Variants in NUP205 observed in about 807,000 individuals in gnomAD.
The protein encoded by NUP205 is nuclear pore complex protein Nup205.
Under a neutral mutation model 253.8 loss-of-function variants are expected in NUP205, and 76 were observed. The observed-to-expected ratio is 0.30, with a 90% CI of 0.25 to 0.36. NUP205 has a LOEUF of 0.36. Among genes scored for constraint, NUP205 ranks in the 10% least tolerant of loss-of-function variants. The pLI is 1.00. For synonymous variants in NUP205, 832 were observed against 850.1 expected, an observed-to-expected ratio of 0.98 and a Z score of 0.37; for missense variants, 2,162 against 2,425.5, an observed-to-expected ratio of 0.89 and a Z score of 2.28.
chr7:135,590,101 T>A (rs765466701), intron 10 of NUP205, among the ~76,000 whole-genome samples: 1 of 149,846 alleles, frequency 6.7e-6, no homozygotes, highest in Non-Finnish European at 1.5e-5. Flanking sequence ...TATATTATTA[T>A]TTTATTTATT....
At position 135,627,389 on chromosome 7, in the gene NUP205, ACTTT is replaced by A. The variant is rs773444054; in HGVS notation, c.4794-581_4794-578del. On this transcript the variant is annotated intron_variant, in intron 33 of 42. Transcript: ENST00000285968. ...AATCTGCAGTGCTGCTAAATCTCAA[ACTTT>A]CTGAGTGCCAATATGATGCTCAAAG... 4.5e-3 allele frequency among the ~76,000 whole-genome samples: 690 copies of A among 152,306 alleles called. 7 individuals carry two copies. Among genetic ancestry groups the A allele is most frequent in the Non-Finnish European group, 2.8e-3 (191 of 68,018 alleles).
chr7:135,633,462 GCTT>G (rs982340412), intron 35 of NUP205, among the ~76,000 whole-genome samples: 7 of 152,094 alleles, frequency 4.6e-5, no homozygotes, highest in African/African-American at 9.7e-5. Context: ...CTGTTTCCAA[GCTT>G]CTTAAAATTT....
chr7:135,588,450 C>T (rs1487775390), intron 10 of NUP205, among the ~76,000 whole-genome samples: 1 of 150,924 alleles, frequency 6.6e-6, no homozygotes, highest in Admixed American at 6.6e-5. Flanking sequence ...CTACTTTTCT[C>T]TTTTATAAAA....
At chr7:135,614,903 T>A (rs898564680) in intron 23 of NUP205, among the ~76,000 whole-genome samples, 1 of 152,234 alleles carries the variant, frequency 6.6e-6, no homozygotes, top group Admixed American at 6.5e-5. Context: ...TTTAGGAAGT[T>A]GAGGCTCACA....
chr7:135,580,034 A>G (rs1806262324), intron 7 of NUP205, among the ~76,000 whole-genome samples: 1 of 152,228 alleles, frequency 6.6e-6, no homozygotes, highest in Non-Finnish European at 1.5e-5. Flanking sequence ...TCATATTAGT[A>G]GGGGTTTATT....
intron 17 of NUP205, 68 bp downstream of exon 17, chr7:135,601,575 T>C (rs756376569): frequency 1.0e-4 from 153 of 1,509,116 alleles, no homozygotes; most frequent in Non-Finnish European, 1.2e-4. Flanking sequence ...AAACTGAGAA[T>C]TTGAAATAGA....
intron 33 of NUP205, 92 bp downstream of exon 33, chr7:135,626,453 A>G (rs1014409259): frequency 9.5e-6 from 13 of 1,371,314 alleles, no homozygotes; most frequent in Non-Finnish European, 1.1e-5. Flanking sequence ...CCGCTTAGCA[A>G]TTCTCTTTCA....
intron 1 of NUP205, among the ~76,000 whole-genome samples, chr7:135,563,167 T>C (rs115778458): frequency 0.011 from 1,660 of 152,074 alleles, 40 homozygotes; most frequent in African/African-American, 0.038. Flanking sequence ...CTGACCACAG[T>C]TGGATTTTAT....
intron 3 of NUP205, 82 bp from the exon 4 acceptor site, chr7:135,576,188 G>A: frequency 8.1e-7 from 1 of 1,239,776 alleles, no homozygotes; most frequent in Admixed American, 1.8e-5. Context: ...TCTTTGAACT[G>A]AACATTGTTA....
chr7:135,572,221 T>G (rs1464197238), intron 2 of NUP205, among the ~76,000 whole-genome samples: 1 of 152,202 alleles, frequency 6.6e-6, no homozygotes, highest in Non-Finnish European at 1.5e-5. Flanking sequence ...ATATTATGTT[T>G]ATTTCTAGCT....
chr7:135,557,929 T>C lies in NUP205; in HGVS notation c.-16T>C, dbSNP rs1405093594. 6.8e-6 allele frequency: 11 copies of C among 1,613,028 alleles called. No homozygotes were observed. The highest frequency in any genetic ancestry group is 8.5e-6 in the Non-Finnish European group (10 of 1,179,108). ...GCCTCCATGCGGCAGAAGGGCTCTG[T>C]TAGTGCGCCTCTAAGATGGCGACGC... is the stretch of plus-strand genomic sequence containing the variant. On this transcript the variant is annotated 5_prime_UTR_variant, in exon 1 of 43. Coordinates refer to ENST00000285968, the MANE Select transcript of NUP205 (RefSeq NM_015135.3).
chr7:135,597,900 G>T lies in NUP205; in HGVS notation c.2065-98G>T, dbSNP rs1049024355. The T allele has an allele frequency of 1.2e-5, 11 of 883,604 alleles. No homozygotes were observed. In the African/African-American group the frequency reaches 1.7e-4, roughly 14 times the overall value. 54.7% of individuals were successfully genotyped at this position (883,604 alleles called of 1,614,324 possible). On this transcript the variant is annotated intron_variant, in intron 14 of 42. Transcript: ENST00000285968. ...AGAAATATCTGTTATATCTTTTGGTGTGAGTTAGCACTATTAATATGTTAA... is the reference window on the plus strand; with the variant it reads ...AGAAATATCTGTTATATCTTTTGGTTTGAGTTAGCACTATTAATATGTTAA...
chr7:135,558,125 A>G, intron 1 of NUP205, 153 bp downstream of exon 1: 1 of 695,196 alleles, frequency 1.4e-6, no homozygotes, highest in South Asian at 1.5e-5. Context: ...ACCCCTCCCC[A>G]GTTTGAATGG....
intron 33 of NUP205, 133 bp downstream of exon 33, chr7:135,626,494 G>A: frequency 4.4e-6 from 4 of 902,864 alleles, no homozygotes; most frequent in African/African-American, 3.4e-5. Flanking sequence ...GTCATACTGT[G>A]CCCCTGTCAT....
chr7:135,617,747 T>A, intron 27 of NUP205, 65 bp downstream of exon 27: 2 of 960,530 alleles, frequency 2.1e-6, no homozygotes, highest in Non-Finnish European at 3.3e-6. Flanking sequence ...GTGAAAAGAC[T>A]AAAATAGTAT....
chr7:135,619,400 C>G (rs372756122), intron 28 of NUP205, 23 bp from the exon 29 acceptor site: 2 of 1,595,478 alleles, frequency 1.3e-6, no homozygotes, highest in African/African-American at 1.3e-5. Context: ...GATTCTCACT[C>G]TAATTTGCCC....
chr7:135,631,011 C>T (rs1354137988), intron 35 of NUP205, among the ~76,000 whole-genome samples: 1 of 151,300 alleles, frequency 6.6e-6, no homozygotes, highest in East Asian at 1.9e-4. Flanking sequence ...AATCTCACCA[C>T]CTAGAAATTA....
At position 135,606,224 on chromosome 7, in the gene NUP205, A is replaced by G; in HGVS notation, c.2903A>G (p.Glu968Gly). The G allele has an allele frequency of 6.3e-7, 1 of 1,599,506 alleles. No homozygotes were observed. The highest frequency in any genetic ancestry group is 8.6e-7 in the Non-Finnish European group (1 of 1,166,902). Residue 968 changes from glutamate (E) to glycine (G), a missense_variant and splice_region_variant, in exon 20 of 43, where the codon GAG becomes GGG. Around this residue, in one of 5 missense-constraint regions of NUP205, gnomAD observed 1,144 missense variants for 1,280.9 expected, o/e 0.89. Coordinates refer to ENST00000285968, the MANE Select transcript of NUP205 (RefSeq NM_015135.3). ...GCAGAAGAATTTGTACGTCTGGAAG[A>G]GGGTATGCCTTAGATTAATGTGCAT... ...EDAEEFVRLEEGSELEKKLVA... is the reference protein window; with the variant it reads ...EDAEEFVRLEGGSELEKKLVA...
chr7:135,644,482 T>C (rs1253408600), intron 39 of NUP205, among the ~76,000 whole-genome samples: 2 of 152,252 alleles, frequency 1.3e-5, no homozygotes, highest in African/African-American at 4.8e-5. Flanking sequence ...CTTTGGTTGA[T>C]GATCAGATTT....
Sources: gnomAD v4.1 joint callset for allele counts (sites outside exome capture counted in the v4.1 genomes callset) on GRCh38, gnomAD v4.1.1 for gene constraint, gnomAD v4.1.1 regional missense constraint, MANE v1.5 for transcripts, NCBI Gene and HGNC (gene_info 2026-07-23, HGNC 2026-07-21) for gene names.